The following SEC24B variants were observed in gnomAD, a reference collection of about 807,000 sequenced individuals.
SEC24B encodes the protein protein transport protein Sec24B.
Under a neutral mutation model 142.8 loss-of-function variants are expected in SEC24B, and 45 were observed. The observed-to-expected ratio is 0.32, with a 90% CI of 0.25 to 0.40. SEC24B has a LOEUF of 0.40. Ranked by LOEUF, SEC24B falls within the 10% of genes least tolerant of loss-of-function variation. SEC24B has a pLI of 1.00. For missense variants in SEC24B, 1,409 were observed against 1,526.8 expected (o/e 0.92, Z 1.29); for synonymous variants, 574 against 568.2 (o/e 1.01, Z -0.15).
intron 1 of SEC24B, among the ~76,000 whole-genome samples, chr4:109,460,755 G>A (rs990187944): frequency 3.3e-5 from 5 of 150,652 alleles, no homozygotes; most frequent in African/African-American, 1.2e-4. Context: ...GGCATATAAT[G>A]TAATATATTA....
chr4:109,461,614 A>G (rs1731264834), intron 1 of SEC24B, among the ~76,000 whole-genome samples: 1 of 152,228 alleles, frequency 6.6e-6, no homozygotes, highest in Non-Finnish European at 1.5e-5. Flanking sequence ...TTAAAAAATC[A>G]AGTAAATTAT....
chr4:109,536,373 A>G (rs1365299201), intron 22 of SEC24B, among the ~76,000 whole-genome samples: 1 of 152,100 alleles, frequency 6.6e-6, no homozygotes. Flanking sequence ...AATATTAGAA[A>G]AATAATCTTG....
chr4:109,447,338 A>C (rs1729572852), intron 1 of SEC24B, among the ~76,000 whole-genome samples: 1 of 69,496 alleles, frequency 1.4e-5, no homozygotes, highest in South Asian at 6.1e-4. Context: ...ACTTGTATTA[A>C]AAAAAAAGTT....
intron 1 of SEC24B, among the ~76,000 whole-genome samples, chr4:109,454,538 CAA>C (rs540899392): frequency 2.1e-4 from 27 of 125,710 alleles, no homozygotes; most frequent in East Asian, 2.4e-4. Flanking sequence ...ATTCTGTCTC[CAA>C]AAAAAAAAAA....
intron 18 of SEC24B, among the ~76,000 whole-genome samples, chr4:109,529,631 G>C (rs1324304898): frequency 6.6e-6 from 1 of 152,108 alleles, no homozygotes; most frequent in Non-Finnish European, 1.5e-5. Flanking sequence ...TGGTTGAGCA[G>C]AAAAAAATGA....
chr4:109,476,527 A>G (rs1209287779), intron 3 of SEC24B, among the ~76,000 whole-genome samples: 3 of 125,462 alleles, frequency 2.4e-5, no homozygotes, highest in Admixed American at 2.1e-4. Flanking sequence ...TTGCTGAGAA[A>G]CATTGTTCAC....
intron 22 of SEC24B, among the ~76,000 whole-genome samples, chr4:109,534,843 T>TA (rs1208062580): frequency 2.6e-5 from 4 of 152,124 alleles, no homozygotes; most frequent in Non-Finnish European, 5.9e-5. Flanking sequence ...CTTGGCTAAT[T>TA]AAAAAAATTT....
Position 109,496,116 on chromosome 4 carries a change from A to T in SEC24B, c.1488+1260A>T, listed in dbSNP as rs1447664580. On this transcript the variant is annotated intron_variant, in intron 6 of 23. Coordinates refer to ENST00000265175, the MANE Select transcript of SEC24B (RefSeq NM_006323.5). ...AAAGAAAATAAAATACAGGGAAACAATTTTTTTTTTTTTTGAGATGGCATC... is the reference window on the plus strand; with the variant it reads ...AAAGAAAATAAAATACAGGGAAACATTTTTTTTTTTTTTTGAGATGGCATC... 2.1e-5 allele frequency among the ~76,000 whole-genome samples: 3 copies of T among 145,768 alleles called. No individual in the cohort carries two copies. The South Asian group carries it at 6.5e-4, about 32-fold the overall frequency.
intron 1 of SEC24B, among the ~76,000 whole-genome samples, chr4:109,447,559 C>T (rs934613521): frequency 2.0e-5 from 3 of 152,122 alleles, no homozygotes; most frequent in African/African-American, 7.2e-5. Context: ...TTCTATTTGA[C>T]TTCACCATAT....
chr4:109,531,313 G>T, intron 19 of SEC24B, 72 bp from the exon 20 acceptor site: 1 of 1,246,146 alleles, frequency 8.0e-7, no homozygotes, highest in South Asian at 1.4e-5. Flanking sequence ...ATGATTGACA[G>T]TGTATATTTG....
intron 18 of SEC24B, among the ~76,000 whole-genome samples, chr4:109,527,681 A>G (rs950794888): frequency 6.6e-6 from 1 of 152,038 alleles, no homozygotes; most frequent in African/African-American, 2.4e-5. Context: ...CTGAGACAGG[A>G]GAATTGCTTG....
chr4:109,511,849 C>T (rs1737371242), intron 8 of SEC24B, 108 bp from the exon 9 acceptor site: 1 of 1,134,262 alleles, frequency 8.8e-7, no homozygotes, highest in African/African-American at 1.6e-5. Flanking sequence ...TATAAAACCA[C>T]ATAAAAACAA....
chr4:109,473,370 A>G (rs1004920933), intron 3 of SEC24B, among the ~76,000 whole-genome samples, 184 bp downstream of exon 3: 1 of 152,170 alleles, frequency 6.6e-6, no homozygotes, highest in Non-Finnish European at 1.5e-5. Context: ...TTTATTACAC[A>G]TAGTTCTTCA....
intron 14 of SEC24B, among the ~76,000 whole-genome samples, chr4:109,522,411 T>G (rs1321259241): frequency 6.6e-6 from 1 of 152,244 alleles, no homozygotes; most frequent in Non-Finnish European, 1.5e-5. Flanking sequence ...TTTTATACTT[T>G]GTAAGTCATA....
chr4:109,491,865 A>C (rs1363584340), intron 5 of SEC24B, among the ~76,000 whole-genome samples: 2 of 152,162 alleles, frequency 1.3e-5, no homozygotes, highest in Non-Finnish European at 2.9e-5. Context: ...TGGAGACATC[A>C]CTTTTAACCA....
chr4:109,527,836 A>G (rs1457109567), intron 18 of SEC24B, among the ~76,000 whole-genome samples: 1 of 152,102 alleles, frequency 6.6e-6, no homozygotes, highest in Non-Finnish European at 1.5e-5. Context: ...TTTAAAAAGC[A>G]TATGTTTTAC....
intron 2 of SEC24B, among the ~76,000 whole-genome samples, chr4:109,470,413 A>G (rs191890965): frequency 7.2e-5 from 11 of 152,366 alleles, no homozygotes; most frequent in African/African-American, 1.7e-4. Flanking sequence ...TATGAGGGCC[A>G]TAAAGCACCA....
chr4:109,450,254 G>C (rs937836535), intron 1 of SEC24B, among the ~76,000 whole-genome samples: 1 of 152,046 alleles, frequency 6.6e-6, no homozygotes, highest in Non-Finnish European at 1.5e-5. Context: ...TCTACCTGCT[G>C]CAGTGAGGTA....
intron 9 of SEC24B, among the ~76,000 whole-genome samples, chr4:109,512,725 G>T (rs1453957735): frequency 1.3e-5 from 2 of 150,250 alleles, no homozygotes; most frequent in East Asian, 4.0e-4. Flanking sequence ...GCACAATATG[G>T]CTCACTGCAA....
Sources: gnomAD v4.1 joint callset for allele counts (sites outside exome capture counted in the v4.1 genomes callset) on GRCh38, gnomAD v4.1.1 for gene constraint, MANE v1.5 for transcripts, NCBI Gene and HGNC (gene_info 2026-07-23, HGNC 2026-07-21) for gene names.